The following MCF2L variants were observed in gnomAD, a reference collection of about 807,000 sequenced individuals.
MCF2L encodes MCF.2 cell line derived transforming sequence like.
Under a neutral mutation model 153.4 loss-of-function variants are expected in MCF2L, and 97 were observed. The ratio of observed to expected loss-of-function variants is 0.63; its 90% CI spans 0.54 to 0.75. The LOEUF (loss-of-function observed/expected upper bound fraction) is 0.75. Among genes scored for constraint, MCF2L ranks in the 30% least tolerant of loss-of-function variants. The pLI, the probability that MCF2L is intolerant of heterozygous loss-of-function variation, is 0.00. For synonymous variants in MCF2L, 659 were observed against 632.2 expected, an observed-to-expected ratio of 1.04 and a Z score of -0.64; for missense variants, 1,347 against 1,495.2, an observed-to-expected ratio of 0.90 and a Z score of 1.64.
chr13:113,077,159 G>A lies in MCF2L; in HGVS notation c.1608G>A (p.Gln536=), dbSNP rs776162133. The A allele has an allele frequency of 6.2e-7, 1 of 1,610,890 alleles. No individual in the cohort carries two copies. The highest frequency in any genetic ancestry group is 8.5e-7 in the Non-Finnish European group (1 of 1,178,994). The stretch of plus-strand genomic sequence containing the variant: ...CGGCCAGGCAGACGCGGCCCGTGCA[G>A]CCGGTGGCCCCCAGACCCGAGGCAC... ...KLAARQTRPV[Q]PVAPRPEALA... The change falls in exon 13 of 30, where the codon CAG becomes CAA. Residue 536 remains glutamine, a synonymous_variant. Transcript: ENST00000535094.
chr13:112,974,318 T>G (rs913080682), intron 1 of MCF2L, among the ~76,000 whole-genome samples: 18 of 152,032 alleles, frequency 1.2e-4, no homozygotes, highest in Admixed American at 9.8e-4. Flanking sequence ...CTTCCAGGTC[T>G]GCAAGGGCCC....
At chr13:112,971,510 G>A (rs147858700) in intron 1 of MCF2L, among the ~76,000 whole-genome samples, 159 of 152,302 alleles carry the variant, frequency 1.0e-3, no homozygotes, top group African/African-American at 3.7e-3. Flanking sequence ...ATTCAGCTGT[G>A]CAGAGCTTCA....
intron 9 of MCF2L, among the ~76,000 whole-genome samples, chr13:113,072,288 T>C (rs1233368437): frequency 6.6e-6 from 1 of 152,124 alleles, no homozygotes. Flanking sequence ...ATAAGGACAG[T>C]TTGGTTTCTT....
At chr13:113,048,303 CTT>C (rs1376652880) in intron 4 of MCF2L, among the ~76,000 whole-genome samples, 8 of 152,164 alleles carry the variant, frequency 5.3e-5, no homozygotes, top group Non-Finnish European at 8.8e-5. Flanking sequence ...AAAAATATGG[CTT>C]TTTCTGTCCT....
intron 1 of MCF2L, among the ~76,000 whole-genome samples, chr13:112,897,554 T>C (rs990389136): frequency 6.6e-6 from 1 of 152,222 alleles, no homozygotes; most frequent in East Asian, 1.9e-4. Context: ...TGTAAGTCCC[T>C]GTTGGGGGCC....
At chr13:113,026,770 A>C (rs780347485) in intron 3 of MCF2L, 1 of 600,368 alleles carries the variant, frequency 1.7e-6, no homozygotes, top group Non-Finnish European at 3.0e-6. Flanking sequence ...CCAGTTAACA[A>C]AAATGGTTCC....
rs139449890 is a variant in MCF2L at position 113,087,727 on chromosome 13, G to C, written c.2616G>C (p.Thr872=). The C allele has an allele frequency of 6.2e-7, 1 of 1,614,036 alleles. No homozygotes were observed. The highest frequency in any genetic ancestry group is 1.7e-5 in the Admixed American group (1 of 60,024). The change falls in exon 23 of 30, where the codon ACG becomes ACC. Residue 872 remains threonine (T), a synonymous_variant. Coordinates refer to ENST00000535094, the MANE Select transcript of MCF2L (RefSeq NM_001112732.3). ...CGCAGATGGCTGCCGTTGGCATTAC[G>C]GAGAACGTGAAGGGAGATGCTAAGA... The part of the protein sequence containing the change: ...QSLNMAAVGI[T]ENVKGDAKKF...
rs1192102755 is a variant in MCF2L at position 112,983,374 on chromosome 13, C to A, written c.79+13916C>A. ...AGTGTGCCCAGTGGCACTGCGGAAA[C>A]CCAGGCCGGACCTCACAATTGCAGG... On this transcript the variant is annotated intron_variant, in intron 1 of 29. Transcript: ENST00000535094. This position sits in a 1 kb window ranked among gnomAD's most constrained non-coding sequence, Gnocchi z 4.0. Among the ~76,000 whole-genome samples, 1 of 152,222 alleles carries A rather than the reference C, an allele frequency of 6.6e-6. No homozygotes were observed. The highest frequency in any genetic ancestry group is 1.5e-5 in the Non-Finnish European group (1 of 68,044).
intron 2 of MCF2L, among the ~76,000 whole-genome samples, chr13:113,021,551 AGGAGCTTC>A (rs1222044406): frequency 6.6e-6 from 1 of 152,178 alleles, no homozygotes; most frequent in Non-Finnish European, 1.5e-5. Flanking sequence ...TGAACCACAG[AGGAGCTTC>A]GGAGCCCTCT....
Position 112,902,287 on chromosome 13 carries a change from A to C in MCF2L, c.85A>C (p.Lys29Gln), listed in dbSNP as rs78490320. The C allele has an allele frequency of 5.4e-4, 863 of 1,612,912 alleles. 5 individuals carry two copies. In the African/African-American group the frequency reaches 0.011, roughly 20 times the overall value. ...CCCACAACGGCCCAATGAGGCCAAA[A>C]AGGAGGAAACGGATCACCAAATTGA... Residue 29 changes from lysine to glutamine, a missense_variant, in exon 2 of 30, where the codon AAG (lysine) becomes CAG (glutamine). Physicochemically the swap from Lys to Gln is moderately conservative, Grantham distance 53 (BLOSUM62 1). Transcript: ENST00000375608.
chr13:113,011,728 G>T (rs544537971), intron 1 of MCF2L, among the ~76,000 whole-genome samples: 1 of 139,614 alleles, frequency 7.2e-6, no homozygotes, highest in African/African-American at 2.6e-5. Flanking sequence ...GTGGACAGGC[G>T]GTGTGGACGG....
intron 1 of MCF2L, among the ~76,000 whole-genome samples, chr13:112,897,981 A>AGCCCCGGCCCCG (rs775046468): frequency 4.0e-5 from 6 of 149,276 alleles, no homozygotes; most frequent in African/African-American, 1.6e-4. Flanking sequence ...GTCCAGCCCC[A>AGCCCCGGCCCCG]GCCCCGGCCC....
chr13:112,942,680 A>T (rs996886827), intron 2 of MCF2L, among the ~76,000 whole-genome samples: 1 of 152,242 alleles, frequency 6.6e-6, no homozygotes, highest in Non-Finnish European at 1.5e-5. Flanking sequence ...TTAGTAAAAA[A>T]ACTCTGTCTA....
rs138761601 is a variant in MCF2L at position 113,093,103 on chromosome 13, G to A, written c.2954-1411G>A. Among the ~76,000 whole-genome samples the A allele has an allele frequency of 7.2e-5, 11 of 152,338 alleles. No homozygotes were observed. The East Asian group carries it at 2.1e-3, about 29-fold the overall frequency. On this transcript the variant is annotated intron_variant, in intron 26 of 29. Transcript: ENST00000535094. ...CCACGTGCGGTGCCTCAGAGCGACT[G>A]GGGGCCTGGACGGGGAGGGCACGCT...
intron 2 of MCF2L, among the ~76,000 whole-genome samples, chr13:112,935,350 C>T (rs562019119): frequency 2.0e-5 from 3 of 152,266 alleles, no homozygotes; most frequent in Non-Finnish European, 2.9e-5. Flanking sequence ...CTCCGCCTCC[C>T]GGGTTCCAGC....
chr13:113,046,184 C>A lies in MCF2L; in HGVS notation c.369+823C>A. The A allele has an allele frequency of 5.2e-6, 1 of 191,994 alleles. No homozygotes were observed. 11.9% of individuals were successfully genotyped at this position (191,994 alleles called of 1,614,324 possible). On this transcript the variant is annotated intron_variant, in intron 4 of 29. Coordinates refer to ENST00000535094, the MANE Select transcript of MCF2L (RefSeq NM_001112732.3). This position sits in a 1 kb window ranked among gnomAD's most constrained non-coding sequence, Gnocchi z 4.4. ...TAGCTCCCACCCGTATGCATGACCC[C>A]GGCATGGAGCATTTTTCACCCACGC...
chr13:113,048,141 T>G (rs2086948309), intron 4 of MCF2L, among the ~76,000 whole-genome samples: 1 of 152,272 alleles, frequency 6.6e-6, no homozygotes, highest in Non-Finnish European at 1.5e-5. Flanking sequence ...GGTGTCGATC[T>G]TCAGCTGCCG....
chr13:112,950,519 C>T (rs1197717922), intron 2 of MCF2L, among the ~76,000 whole-genome samples: 1 of 152,130 alleles, frequency 6.6e-6, no homozygotes, highest in Non-Finnish European at 1.5e-5. Flanking sequence ...GCAGTGTGGT[C>T]CTGGGCAGAC....
At position 113,073,730 on chromosome 13, in the gene MCF2L, C is replaced by T. The variant is rs1392409322; in HGVS notation, c.997-714C>T. ...AGGAGTTCAAGACCAACCTGGCCAA[C>T]ATGGTGAAACCCCATCTCTACTAAA... On this transcript the variant is annotated intron_variant, in intron 9 of 29. Transcript: ENST00000535094. Among the ~76,000 whole-genome samples the T allele has an allele frequency of 3.3e-5, 5 of 152,124 alleles. No homozygotes were observed. In the South Asian group the frequency reaches 1.0e-3, roughly 32 times the overall value.
Sources: allele counts gnomAD v4.1 joint callset (sites outside exome capture counted in the v4.1 genomes callset), GRCh38; gene constraint gnomAD v4.1.1; non-coding constraint Gnocchi (gnomAD v3.1); transcripts MANE v1.5; gene names NCBI Gene and HGNC (gene_info 2026-07-23, HGNC 2026-07-21).